Variants in RELN observed in about 807,000 individuals in gnomAD.
RELN encodes the protein reelin.
Under a neutral mutation model 427.6 loss-of-function variants are expected in RELN, and 108 were observed. That is an observed-to-expected ratio of 0.25 (90% CI 0.22 to 0.30). The LOEUF is 0.30. RELN is among the 10% of genes least tolerant of loss of function. RELN has a pLI of 1.00. For synonymous variants in RELN, 1,524 were observed against 1,513.4 expected (o/e 1.01, Z -0.16); for missense variants, 3,715 against 4,302.8 (o/e 0.86, Z 3.82).
intron 1 of RELN, among the ~76,000 whole-genome samples, chr7:103,966,784 T>A (rs1439287388): frequency 6.6e-6 from 1 of 152,212 alleles, no homozygotes; most frequent in Non-Finnish European, 1.5e-5. Context: ...ACACTAGTTA[T>A]CTTGGAGTGA....
intron 8 of RELN, among the ~76,000 whole-genome samples, chr7:103,713,991 C>T (rs1219485174): frequency 6.6e-6 from 1 of 152,134 alleles, no homozygotes; most frequent in African/African-American, 2.4e-5. Flanking sequence ...AGTAGAGCAA[C>T]ATCTTGATGA....
chr7:103,912,019 C>A (rs1458655092), intron 2 of RELN, among the ~76,000 whole-genome samples: 4 of 151,854 alleles, frequency 2.6e-5, no homozygotes, highest in Non-Finnish European at 5.9e-5. Context: ...AAAAAAATTT[C>A]CAATACTATA....
intron 11 of RELN, among the ~76,000 whole-genome samples, chr7:103,677,026 G>T (rs1265550058): frequency 1.4e-5 from 2 of 146,182 alleles, no homozygotes; most frequent in Admixed American, 1.4e-4. Flanking sequence ...TACCCTAGAA[G>T]TTAAAGCATA....
chr7:103,736,922 G>C (rs575867), intron 6 of RELN, among the ~76,000 whole-genome samples: 33,256 of 152,020 alleles, frequency 0.22, 4,808 homozygotes, highest in African/African-American at 0.41. Context: ...AGGGGAATGA[G>C]GGGGAGGAAG....
chr7:103,838,075 G>C (rs974253267), intron 2 of RELN, among the ~76,000 whole-genome samples: 2 of 151,878 alleles, frequency 1.3e-5, no homozygotes, highest in Admixed American at 6.6e-5. Flanking sequence ...TGGGTGTGGT[G>C]GTGGGCGCCT....
In RELN at chr7:103,545,641, T is replaced by A. The variant is rs1490557126; in HGVS notation, c.6303-297A>T. Among the ~76,000 whole-genome samples, 1,657 of 151,250 alleles carry A rather than the reference T, an allele frequency of 0.011. 27 individuals are homozygous for A. Among genetic ancestry groups the A allele is most frequent in the African/African-American group, 0.038 (1,562 of 41,180 alleles). On this transcript the variant is annotated intron_variant, in intron 41 of 64. Transcript: ENST00000428762. ...TGAAGACTTCTCCATCCTTACTATTTTGTTTTATTTTTTTTTTTGAGACAG... is the reference window on the plus strand; with the variant it reads ...TGAAGACTTCTCCATCCTTACTATTATGTTTTATTTTTTTTTTTGAGACAG...
At chr7:103,651,337 C>A (rs1272883102) in intron 15 of RELN, among the ~76,000 whole-genome samples, 2 of 151,996 alleles carry the variant, frequency 1.3e-5, no homozygotes, top group African/African-American at 4.8e-5. Context: ...CAAAATTTAA[C>A]TTTCTTCCAT....
intron 1 of RELN, among the ~76,000 whole-genome samples, chr7:103,945,051 C>T (rs1461294283): frequency 1.3e-5 from 2 of 152,158 alleles, no homozygotes; most frequent in East Asian, 3.9e-4. Flanking sequence ...GCCTCCAGTT[C>T]ACTTGCAAAA....
chr7:103,865,228 A>C (rs3914126), intron 2 of RELN, among the ~76,000 whole-genome samples: 100,115 of 151,242 alleles, frequency 0.66, 33,339 homozygotes, highest in East Asian at 0.83. Context: ...TTTGAACAGA[A>C]CCAATAATGA....
chr7:103,530,322 G>T (rs951846268), intron 46 of RELN, among the ~76,000 whole-genome samples: 1 of 152,140 alleles, frequency 6.6e-6, no homozygotes, highest in Non-Finnish European at 1.5e-5. Context: ...TGTATGTAAC[G>T]GAGAAGGAGA....
chr7:103,562,866 T>C (rs1830672061), intron 34 of RELN, among the ~76,000 whole-genome samples: 1 of 152,216 alleles, frequency 6.6e-6, no homozygotes, highest in Non-Finnish European at 1.5e-5. Context: ...CATACATGGC[T>C]CCTCCATTGT....
chr7:103,675,207 A>C (rs1044858303), intron 11 of RELN, among the ~76,000 whole-genome samples: 3 of 152,194 alleles, frequency 2.0e-5, no homozygotes, highest in Non-Finnish European at 4.4e-5. Flanking sequence ...TACAAAATCA[A>C]TGTGCAAAAA....
At chr7:103,555,935 G>A (rs1830511413) in intron 38 of RELN, among the ~76,000 whole-genome samples, 1 of 152,100 alleles carries the variant, frequency 6.6e-6, no homozygotes, top group African/African-American at 2.4e-5. Flanking sequence ...TTTTTGTGTT[G>A]CCTCTGCAAA....
rs575038998 is a variant in RELN, at chr7:103,796,362, A to C, written c.474-19735T>G. Among the ~76,000 whole-genome samples, 6 of 152,290 alleles carry C rather than the reference A, an allele frequency of 3.9e-5. No homozygotes were observed. The South Asian group carries it at 1.2e-3, about 32-fold the overall frequency. ...CAGCACATCAATTAATGTTTGCCTA[A>C]TTCAAATTTCTGGAATCTATCATCA... is the stretch of plus-strand genomic sequence containing the variant. On this transcript the variant is annotated intron_variant, in intron 3 of 64. Transcript: ENST00000428762.
At chr7:103,702,545 A>G (rs75557003) in intron 8 of RELN, among the ~76,000 whole-genome samples, 1 of 152,340 alleles carries the variant, frequency 6.6e-6, no homozygotes, top group East Asian at 1.9e-4. Context: ...GAGTCTAAAT[A>G]TGGCCTTGAT....
chr7:103,639,172 T>C (rs910147610), intron 17 of RELN, among the ~76,000 whole-genome samples: 8 of 152,158 alleles, frequency 5.3e-5, no homozygotes, highest in African/African-American at 1.7e-4. Context: ...TGTTTTGGAA[T>C]GGGAGTTGGT....
intron 41 of RELN, among the ~76,000 whole-genome samples, chr7:103,547,966 G>T (rs1018242472): frequency 6.6e-6 from 1 of 152,112 alleles, no homozygotes; most frequent in African/African-American, 2.4e-5. Context: ...ACCCTCCTTG[G>T]TGAATGTCAG....
At chr7:103,516,837 T>TC (rs1253576512) in intron 49 of RELN, among the ~76,000 whole-genome samples, 1 of 152,208 alleles carries the variant, frequency 6.6e-6, no homozygotes, top group African/African-American at 2.4e-5. Flanking sequence ...CTTTTTTTTT[T>TC]CTGTCTTCCT....
intron 5 of RELN, among the ~76,000 whole-genome samples, chr7:103,752,248 C>T (rs1334608388): frequency 2.6e-5 from 4 of 152,158 alleles, no homozygotes; most frequent in Non-Finnish European, 5.9e-5. Context: ...TATTGTGTGG[C>T]TAGCAAGTGG....
Sources: gnomAD v4.1 joint callset for allele counts (sites outside exome capture counted in the v4.1 genomes callset) on GRCh38, gnomAD v4.1.1 for gene constraint, MANE v1.5 for transcripts, NCBI Gene and HGNC (gene_info 2026-07-23, HGNC 2026-07-21) for gene names.